The following GRID2 variants were observed in gnomAD, a reference collection of about 807,000 sequenced individuals.
GRID2 encodes the protein glutamate receptor ionotropic, delta-2.
A neutral mutation model predicts 114.8 loss-of-function variants in GRID2; 33 were observed. That is an observed-to-expected ratio of 0.29 (90% CI 0.22 to 0.38). The LOEUF (loss-of-function observed/expected upper bound fraction) is 0.38, where lower values mean the gene tolerates loss of function less well. Among genes scored for constraint, GRID2 ranks in the 10% least tolerant of loss-of-function variants. The pLI, the probability that GRID2 is intolerant of heterozygous loss-of-function variation, is 1.00. For missense variants in GRID2, 1,184 were observed against 1,257.7 expected (o/e 0.94, Z 0.89); for synonymous variants, 505 against 449.9 (o/e 1.12, Z -1.55).
intron 1 of GRID2, among the ~76,000 whole-genome samples, chr4:92,323,740 C>T (rs1726449497): frequency 6.6e-6 from 1 of 151,990 alleles, no homozygotes; most frequent in African/African-American, 2.4e-5. Flanking sequence ...TGGCCTGATC[C>T]TTAAGTCACT....
At chr4:92,522,829 A>T (rs1724854710) in intron 1 of GRID2, among the ~76,000 whole-genome samples, 1 of 152,008 alleles carries the variant, frequency 6.6e-6, no homozygotes, top group Non-Finnish European at 1.5e-5. Flanking sequence ...ATTATTGGAC[A>T]TAGAAAGTTG....
intron 1 of GRID2, among the ~76,000 whole-genome samples, chr4:92,383,165 G>A (rs1456666584): frequency 6.6e-6 from 1 of 151,744 alleles, no homozygotes; most frequent in Non-Finnish European, 1.5e-5. Flanking sequence ...TCATTCATGA[G>A]GATTCCGCTC....
At chr4:93,754,528 G>A (rs969248403) in intron 14 of GRID2, among the ~76,000 whole-genome samples, 12 of 151,970 alleles carry the variant, frequency 7.9e-5, no homozygotes, top group Admixed American at 2.6e-4. Flanking sequence ...TTTATCAAAC[G>A]GTATACCTTT....
intron 1 of GRID2, among the ~76,000 whole-genome samples, chr4:92,568,868 C>A (rs1257951292): frequency 2.0e-5 from 3 of 152,066 alleles, no homozygotes; most frequent in Non-Finnish European, 4.4e-5. Context: ...TTAACAGCTT[C>A]CAGCTCCATC....
In GRID2 at chr4:93,657,314, T is replaced by G. The variant is rs734334; in HGVS notation, c.2360+30879T>G. Among the ~76,000 whole-genome samples the G allele has an allele frequency of 8.0e-3, 1,214 of 152,268 alleles. 17 individuals carry two copies. Among genetic ancestry groups the G allele is most frequent in the African/African-American group, 0.027 (1,132 of 41,550 alleles). ...TGTATTTAGAATATTGTATATCATATGTAATACTTAGGATACTGTACATAT... is the reference window on the plus strand; with the variant it reads ...TGTATTTAGAATATTGTATATCATAGGTAATACTTAGGATACTGTACATAT... On this transcript the variant is annotated intron_variant, in intron 14 of 15. Coordinates refer to ENST00000282020, the MANE Select transcript of GRID2 (RefSeq NM_001510.4).
At chr4:93,650,334 A>G (rs982597048) in intron 14 of GRID2, among the ~76,000 whole-genome samples, 1 of 152,102 alleles carries the variant, frequency 6.6e-6, no homozygotes, top group Non-Finnish European at 1.5e-5. Context: ...TATCCTTTTT[A>G]TATTTGGGGA....
At chr4:92,542,906 T>A (rs1646232815) in intron 1 of GRID2, among the ~76,000 whole-genome samples, 1 of 152,254 alleles carries the variant, frequency 6.6e-6, no homozygotes, top group East Asian at 1.9e-4. Flanking sequence ...AAATAATAAT[T>A]CTTGCATATC....
intron 2 of GRID2, among the ~76,000 whole-genome samples, chr4:92,685,341 T>C (rs1733848323): frequency 1.3e-5 from 2 of 152,012 alleles, no homozygotes; most frequent in South Asian, 4.2e-4. Context: ...GACAGGTAAA[T>C]ACAAGTGAAA....
At chr4:92,760,109 A>C (rs1042153563) in intron 2 of GRID2, among the ~76,000 whole-genome samples, 1 of 151,468 alleles carries the variant, frequency 6.6e-6, no homozygotes. Context: ...GTGTGGTGGC[A>C]TATGCCTGTC....
intron 14 of GRID2, among the ~76,000 whole-genome samples, chr4:93,732,523 T>A (rs533265564): frequency 1.3e-5 from 2 of 152,330 alleles, no homozygotes; most frequent in South Asian, 4.1e-4. Context: ...AGGAATATAT[T>A]TTATTTCAAA....
intron 1 of GRID2, among the ~76,000 whole-genome samples, chr4:92,478,906 G>T (rs935303124): frequency 4.6e-5 from 7 of 151,970 alleles, no homozygotes; most frequent in Non-Finnish European, 8.8e-5. Flanking sequence ...TCTTTGCGGG[G>T]GTAAAATGCT....
chr4:93,603,160 A>G (rs1320287654), intron 13 of GRID2, among the ~76,000 whole-genome samples: 1 of 152,180 alleles, frequency 6.6e-6, no homozygotes, highest in African/African-American at 2.4e-5. Flanking sequence ...CAGTTAGCCA[A>G]GATTGTGCCA....
intron 3 of GRID2, among the ~76,000 whole-genome samples, chr4:93,104,876 T>G (rs1578998849): frequency 2.0e-5 from 3 of 152,040 alleles, no homozygotes; most frequent in Admixed American, 1.3e-4. Flanking sequence ...CCCTGAGGAA[T>G]CGCCACACTG....
chr4:92,955,475 C>A (rs1452587313), intron 2 of GRID2, among the ~76,000 whole-genome samples: 1 of 151,580 alleles, frequency 6.6e-6, no homozygotes, highest in Non-Finnish European at 1.5e-5. Context: ...TTGTTTTTTT[C>A]TTGTAAATTT....
At chr4:93,208,401 G>C (rs140226396) in intron 5 of GRID2, among the ~76,000 whole-genome samples, 58 of 151,916 alleles carry the variant, frequency 3.8e-4, no homozygotes, top group Admixed American at 1.4e-3. Context: ...CATAATAAAA[G>C]TTAAATGAGG....
At chr4:93,586,749 C>T (rs1737575138) in intron 13 of GRID2, among the ~76,000 whole-genome samples, 1 of 152,052 alleles carries the variant, frequency 6.6e-6, no homozygotes, top group African/African-American at 2.4e-5. Context: ...GGACCTGTTG[C>T]TGAATTGAAA....
chr4:92,510,689 A>G (rs1349481152), intron 1 of GRID2, among the ~76,000 whole-genome samples: 2 of 151,832 alleles, frequency 1.3e-5, no homozygotes. Flanking sequence ...AAGTCATAGT[A>G]TGTTACGAAA....
intron 1 of GRID2, among the ~76,000 whole-genome samples, chr4:92,419,430 A>C (rs1375540466): frequency 6.6e-6 from 1 of 152,136 alleles, no homozygotes; most frequent in Non-Finnish European, 1.5e-5. Flanking sequence ...TCTAATCACA[A>C]CTGAGTGTCA....
chr4:93,029,163 T>A (rs900263764), intron 2 of GRID2, among the ~76,000 whole-genome samples: 1 of 152,154 alleles, frequency 6.6e-6, no homozygotes, highest in African/African-American at 2.4e-5. Context: ...AGGAAGTCCC[T>A]ATTCAAGGGT....
Sources: gnomAD v4.1 joint callset for allele counts (sites outside exome capture counted in the v4.1 genomes callset) on GRCh38, gnomAD v4.1.1 for gene constraint, MANE v1.5 for transcripts, NCBI Gene and HGNC (gene_info 2026-07-23, HGNC 2026-07-21) for gene names.